Variants in ST18 observed in about 807,000 individuals in gnomAD.
ST18 encodes the protein ST18 C2H2C-type zinc finger transcription factor, also known as suppression of tumorigenicity 18 protein.
ST18 carries 50 observed loss-of-function variants against 110.0 expected under a neutral mutation model. The observed-to-expected ratio is 0.45, with a 90% CI of 0.36 to 0.58. ST18 has a LOEUF of 0.58. Ranked by LOEUF, ST18 falls within the 20% of genes least tolerant of loss-of-function variation. ST18 has a pLI of 0.00. For missense variants in ST18, 1,306 were observed against 1,280.1 expected (o/e 1.02, Z -0.31); for synonymous variants, 461 against 452.4 (o/e 1.02, Z -0.24).
rs1490610963 is a variant in ST18 at position 52,111,198 on chromosome 8, G to T, written c.*2000C>A. On this transcript the variant is annotated 3_prime_UTR_variant, in exon 26 of 26. Coordinates refer to ENST00000689386, the MANE Select transcript of ST18 (RefSeq NM_001352837.2). ...GTAATAAATATGTAGGTTGGTAAGA[G>T]ATTTCTTTTAAATTAAATAAAATAT... 5 of 378,810 alleles carry T rather than the reference G, an allele frequency of 1.3e-5. No homozygotes were observed. Among genetic ancestry groups the T allele is most frequent in the African/African-American group, 8.3e-5 (4 of 48,214 alleles). The allele number at this position is 378,810 out of a possible 1,614,324, so 23.5% of individuals were successfully genotyped here.
chr8:52,357,530 A>G (rs1043304089), intron 2 of ST18, among the ~76,000 whole-genome samples: 2 of 151,172 alleles, frequency 1.3e-5, no homozygotes, highest in Non-Finnish European at 3.0e-5. Flanking sequence ...TGATTTTACT[A>G]TAGAAATGTA....
At chr8:52,140,523 C>G (rs2131966983) in intron 17 of ST18, among the ~76,000 whole-genome samples, 1 of 148,710 alleles carries the variant, frequency 6.7e-6, no homozygotes, top group Admixed American at 6.8e-5. Context: ...GACCCCATCT[C>G]AAAATAAATA....
chr8:52,343,322 C>T (rs1334863807), intron 2 of ST18, among the ~76,000 whole-genome samples: 1 of 152,090 alleles, frequency 6.6e-6, no homozygotes, highest in Non-Finnish European at 1.5e-5. Context: ...CTGAACTGCT[C>T]CCAGATGCGC....
intron 2 of ST18, among the ~76,000 whole-genome samples, chr8:52,327,553 A>G (rs1233770856): frequency 2.6e-5 from 4 of 152,210 alleles, no homozygotes; most frequent in Non-Finnish European, 5.9e-5. Context: ...ATTCTCAGCA[A>G]CTTGCTCATT....
At chr8:52,123,805 C>T (rs2045947846) in intron 23 of ST18, among the ~76,000 whole-genome samples, 1 of 152,198 alleles carries the variant, frequency 6.6e-6, no homozygotes, top group East Asian at 1.9e-4. Context: ...TGCTGCTGGC[C>T]CCCTGCAAAG....
intron 2 of ST18, among the ~76,000 whole-genome samples, chr8:52,370,173 C>T (rs778833596): frequency 2.0e-5 from 3 of 152,150 alleles, no homozygotes; most frequent in Admixed American, 1.3e-4. Context: ...TAAGAGATGA[C>T]AAAGACCATT....
At chr8:52,214,611 C>T (rs1326232929) in intron 6 of ST18, among the ~76,000 whole-genome samples, 2 of 152,182 alleles carry the variant, frequency 1.3e-5, no homozygotes, top group Non-Finnish European at 2.9e-5. Flanking sequence ...CAAAAGATTT[C>T]AAACCAATTT....
At chr8:52,154,613 G>C (rs138839137) in intron 15 of ST18, 1 of 152,174 alleles carries the variant, frequency 6.6e-6, no homozygotes, top group Non-Finnish European at 1.5e-5. Context: ...CTGTGGCCCC[G>C]TGGCAAGACC....
At chr8:52,321,044 A>T (rs1803668647) in intron 2 of ST18, among the ~76,000 whole-genome samples, 1 of 152,234 alleles carries the variant, frequency 6.6e-6, no homozygotes, top group Non-Finnish European at 1.5e-5. Context: ...GGAGTGAAGA[A>T]ATAACTGTCA....
At chr8:52,167,091 C>A in intron 10 of ST18, 105 bp from the exon 11 acceptor site, 2 of 1,417,250 alleles carry the variant, frequency 1.4e-6, no homozygotes, top group South Asian at 1.5e-5. Context: ...TCAGTTTTAC[C>A]GTTATAAACA....
chr8:52,364,942 C>T (rs1044669469), intron 2 of ST18, among the ~76,000 whole-genome samples: 2 of 152,050 alleles, frequency 1.3e-5, no homozygotes, highest in African/African-American at 4.8e-5. Flanking sequence ...AAATCCCCGT[C>T]TCTACTAAAA....
At chr8:52,137,527 C>T in intron 17 of ST18, 44 bp from the exon 18 acceptor site, 2 of 1,601,746 alleles carry the variant, frequency 1.2e-6, no homozygotes, top group Non-Finnish European at 1.7e-6. Context: ...GCGCATTTCC[C>T]AGGTTCATTT....
rs1043581333 is a variant in ST18 at position 52,239,486 on chromosome 8, C to A, written c.-464-9409G>T. The stretch of plus-strand genomic sequence containing the variant: ...GAGTGCTGGCATCACACAGGGAAAT[C>A]AGTTTTTGGACCATGGCAGTCAATT... On this transcript the variant is annotated intron_variant, in intron 2 of 25. Coordinates refer to ENST00000689386, the MANE Select transcript of ST18 (RefSeq NM_001352837.2). 2.6e-5 allele frequency among the ~76,000 whole-genome samples: 4 copies of A among 152,166 alleles called. No homozygotes were observed. In the East Asian group the frequency reaches 7.7e-4, roughly 29 times the overall value.
intron 2 of ST18, among the ~76,000 whole-genome samples, chr8:52,380,949 A>T (rs967550832): frequency 2.6e-5 from 4 of 152,200 alleles, no homozygotes; most frequent in African/African-American, 9.7e-5. Context: ...GAATGCTCAC[A>T]GGCAGGGCCC....
chr8:52,314,939 A>G (rs543363651), intron 2 of ST18, among the ~76,000 whole-genome samples: 8 of 152,270 alleles, frequency 5.3e-5, no homozygotes, highest in Non-Finnish European at 1.0e-4. Context: ...TTTCTGAAGG[A>G]CAGTGGACAG....
chr8:52,155,571 C>T (rs573878307), intron 15 of ST18, among the ~76,000 whole-genome samples: 128 of 152,046 alleles, frequency 8.4e-4, no homozygotes, highest in Non-Finnish European at 1.4e-3. Flanking sequence ...GCAGCATGAG[C>T]CTTCTGTGTT....
At chr8:52,342,778 C>A (rs972931448) in intron 2 of ST18, among the ~76,000 whole-genome samples, 1 of 152,148 alleles carries the variant, frequency 6.6e-6, no homozygotes, top group Non-Finnish European at 1.5e-5. Flanking sequence ...GTTTCATCCA[C>A]CTCAATTGAC....
At chr8:52,352,362 G>A (rs985673935) in intron 2 of ST18, among the ~76,000 whole-genome samples, 3 of 152,158 alleles carry the variant, frequency 2.0e-5, no homozygotes, top group Non-Finnish European at 2.9e-5. Context: ...AACGCAGTGA[G>A]CACAAAGACA....
chr8:52,317,828 G>A (rs182358852), intron 2 of ST18, among the ~76,000 whole-genome samples: 63 of 152,196 alleles, frequency 4.1e-4, no homozygotes, highest in Admixed American at 1.4e-3. Flanking sequence ...TACCATGTCC[G>A]TTTGACTTTT....
Sources: allele counts gnomAD v4.1 joint callset (sites outside exome capture counted in the v4.1 genomes callset), GRCh38; gene constraint gnomAD v4.1.1; transcripts MANE v1.5; gene names NCBI Gene and HGNC (gene_info 2026-07-23, HGNC 2026-07-21).